Variants in ARHGAP42 observed in about 807,000 individuals in gnomAD.
ARHGAP42 encodes rho GTPase-activating protein 42.
ARHGAP42 carries 63 observed loss-of-function variants against 125.0 expected under a neutral mutation model. The observed-to-expected ratio is 0.50, with a 90% confidence interval of 0.41 to 0.62. The LOEUF (loss-of-function observed/expected upper bound fraction) is 0.62, where lower values mean the gene tolerates loss of function less well. ARHGAP42 is among the 20% of genes least tolerant of loss of function. The pLI is 0.00. For missense variants in ARHGAP42, 766 were observed against 1,024.2 expected, an observed-to-expected ratio of 0.75 and a Z score of 3.44; for synonymous variants, 339 against 351.0, an observed-to-expected ratio of 0.97 and a Z score of 0.38.
At position 100,687,850 on chromosome 11, in the gene ARHGAP42, G is replaced by C; in HGVS notation, c.154+18G>C. ...GTTGAGGAGTAAGTAGGGCTGGCGG[G>C]GGAGTGGACACCCGCATCTGGAGAG... is the stretch of plus-strand genomic sequence containing the variant. On this transcript the variant is annotated intron_variant, in intron 1 of 23. Coordinates refer to ENST00000298815, the MANE Select transcript of ARHGAP42 (RefSeq NM_152432.4). The C allele has an allele frequency of 6.5e-7, 1 of 1,539,946 alleles. No individual in the cohort carries two copies.
chr11:100,768,649 T>G (rs989827446), intron 1 of ARHGAP42, among the ~76,000 whole-genome samples: 3 of 152,310 alleles, frequency 2.0e-5, no homozygotes, highest in Admixed American at 1.3e-4. Flanking sequence ...TTCTTATTGA[T>G]GTAGACATCT....
intron 1 of ARHGAP42, among the ~76,000 whole-genome samples, chr11:100,753,639 G>A (rs1319974199): frequency 6.6e-6 from 1 of 152,240 alleles, no homozygotes; most frequent in Non-Finnish European, 1.5e-5. Context: ...CTGTCAGTTA[G>A]AATCAGGAAT....
intron 2 of ARHGAP42, among the ~76,000 whole-genome samples, chr11:100,777,883 ATACAAAAGG>A (rs1863168311): frequency 1.3e-5 from 2 of 152,204 alleles, no homozygotes. Context: ...TGGTATTGTG[ATACAAAAGG>A]TAGAACTGGG....
At chr11:100,940,620 A>G (rs1335935988) in intron 8 of ARHGAP42, among the ~76,000 whole-genome samples, 3 of 152,232 alleles carry the variant, frequency 2.0e-5, no homozygotes, top group Non-Finnish European at 4.4e-5. Flanking sequence ...AACATTACAC[A>G]TACAAGTTTC....
At chr11:100,903,773 T>C (rs1450804802) in intron 4 of ARHGAP42, among the ~76,000 whole-genome samples, 6 of 136,124 alleles carry the variant, frequency 4.4e-5, no homozygotes, top group African/African-American at 1.6e-4. Flanking sequence ...AAGGAAAGTT[T>C]ATTAAGTTTT....
intron 1 of ARHGAP42, among the ~76,000 whole-genome samples, chr11:100,749,290 T>C (rs1218593035): frequency 6.6e-6 from 1 of 150,734 alleles, no homozygotes; most frequent in East Asian, 2.0e-4. Flanking sequence ...ACAAGGGATG[T>C]CTTGCCTTGC....
At chr11:100,837,134 A>G (rs528184855) in intron 3 of ARHGAP42, among the ~76,000 whole-genome samples, 2 of 152,206 alleles carry the variant, frequency 1.3e-5, no homozygotes, top group South Asian at 2.1e-4. Flanking sequence ...CATTTTGCCA[A>G]ATTTGCTTTA....
chr11:100,914,184 C>CTTAG (rs1867004065), intron 5 of ARHGAP42, among the ~76,000 whole-genome samples: 1 of 152,150 alleles, frequency 6.6e-6, no homozygotes, highest in African/African-American at 2.4e-5. Context: ...ATCTGCCTGC[C>CTTAG]TTAGCCTCTC....
intron 22 of ARHGAP42, among the ~76,000 whole-genome samples, chr11:100,984,571 A>G (rs1858626727): frequency 6.6e-6 from 1 of 152,010 alleles, no homozygotes; most frequent in Non-Finnish European, 1.5e-5. Context: ...TATGTTTAAG[A>G]TAAGCACTGG....
chr11:100,873,253 C>CT (rs905596018), intron 4 of ARHGAP42, among the ~76,000 whole-genome samples: 1 of 152,138 alleles, frequency 6.6e-6, no homozygotes, highest in African/African-American at 2.4e-5. Context: ...TACATTTAGC[C>CT]TTTTTTTCTT....
At chr11:100,925,940 G>T (rs900349791) in intron 6 of ARHGAP42, among the ~76,000 whole-genome samples, 1 of 152,106 alleles carries the variant, frequency 6.6e-6, no homozygotes, top group African/African-American at 2.4e-5. Context: ...TTCACCTACT[G>T]CTCAGAGCTG....
chr11:100,952,735 T>TTTTTTTTTTC, intron 12 of ARHGAP42, among the ~76,000 whole-genome samples: 1 of 6,428 alleles, frequency 1.6e-4, no homozygotes, highest in Non-Finnish European at 3.6e-4. Context: ...TAAGTCAGGC[T>TTTTTTTTTTC]TTTTTTTTTT....
At chr11:100,849,709 A>T (rs1865158124) in intron 3 of ARHGAP42, among the ~76,000 whole-genome samples, 1 of 152,208 alleles carries the variant, frequency 6.6e-6, no homozygotes, top group South Asian at 2.1e-4. Context: ...AAATGTTCAC[A>T]TCCAAACAGA....
chr11:100,934,034 G>A (rs993341638), intron 7 of ARHGAP42, among the ~76,000 whole-genome samples: 23 of 152,188 alleles, frequency 1.5e-4, no homozygotes, highest in Non-Finnish European at 2.8e-4. Flanking sequence ...TGATCCACCC[G>A]CCACGGCCTC....
chr11:100,845,400 G>A (rs150982055), intron 3 of ARHGAP42, among the ~76,000 whole-genome samples: 1 of 152,192 alleles, frequency 6.6e-6, no homozygotes, highest in Non-Finnish European at 1.5e-5. Context: ...TGGATACAGT[G>A]TATACTGCTT....
Position 100,974,490 on chromosome 11 carries a change from C to T in ARHGAP42, c.1742C>T (p.Pro581Leu). The part of the protein sequence containing the change: ...IFHTAPDPSI[P>L]LPQPQSRSGS... ...CATACTGCTCCAGACCCAAGCATTCCTCTTCCTCAGCCTCAGTCTCGATCT... is the reference window on the plus strand; with the variant it reads ...CATACTGCTCCAGACCCAAGCATTCTTCTTCCTCAGCCTCAGTCTCGATCT... The change falls in exon 19 of 24, where the codon CCT becomes CTT. Residue 581 changes from proline to leucine, a missense_variant. Physicochemically the swap from Pro to Leu is moderately conservative, Grantham distance 98. This residue lies in a region of ARHGAP42 where 308 missense variants were observed against 369.7 expected (regional missense o/e 0.83). Coordinates refer to ENST00000298815, the MANE Select transcript of ARHGAP42 (RefSeq NM_152432.4). The T allele has an allele frequency of 6.5e-7, 1 of 1,550,186 alleles. No homozygotes were observed. Among genetic ancestry groups the T allele is most frequent in the Non-Finnish European group, 8.7e-7 (1 of 1,146,614 alleles).
chr11:100,792,752 C>CTTTTTTTTTTT (rs3063409), intron 2 of ARHGAP42, among the ~76,000 whole-genome samples: 1 of 141,548 alleles, frequency 7.1e-6, no homozygotes, highest in Non-Finnish European at 1.5e-5. Context: ...TTGGAATTTT[C>CTTTTTTTTTTT]TTTTTTTTTT....
intron 3 of ARHGAP42, among the ~76,000 whole-genome samples, chr11:100,797,159 G>A (rs1863737738): frequency 6.6e-6 from 1 of 152,132 alleles, no homozygotes; most frequent in African/African-American, 2.4e-5. Context: ...TAAGGTTTAA[G>A]GAAAGAAGCC....
At chr11:100,688,570 T>C (rs1262450258) in intron 1 of ARHGAP42, among the ~76,000 whole-genome samples, 11 of 152,184 alleles carry the variant, frequency 7.2e-5, no homozygotes, top group Admixed American at 7.2e-4. Flanking sequence ...TGATCAAATT[T>C]TCCTTCCTCC....
Sources: gnomAD v4.1 joint callset for allele counts (sites outside exome capture counted in the v4.1 genomes callset) on GRCh38, gnomAD v4.1.1 for gene constraint, gnomAD v4.1.1 regional missense constraint, MANE v1.5 for transcripts, NCBI Gene and HGNC (gene_info 2026-07-23, HGNC 2026-07-21) for gene names.